The following ASTN2 variants were observed in gnomAD, a reference collection of about 807,000 sequenced individuals.
The protein encoded by ASTN2 is astrotactin 2, also known as astrotactin-2.
A neutral mutation model predicts 139.8 loss-of-function variants in ASTN2; 54 were observed. That is an observed-to-expected ratio of 0.39 (90% CI 0.31 to 0.48). The LOEUF (loss-of-function observed/expected upper bound fraction) is 0.48, where lower values mean the gene tolerates loss of function less well. Among genes scored for constraint, ASTN2 ranks in the 20% least tolerant of loss-of-function variants. The pLI, the probability that ASTN2 is intolerant of heterozygous loss-of-function variation, is 0.95. For synonymous variants in ASTN2, 756 were observed against 719.5 expected, an observed-to-expected ratio of 1.05 and a Z score of -0.81; for missense variants, 1,565 against 1,725.1, an observed-to-expected ratio of 0.91 and a Z score of 1.64.
rs145600225 is a variant in ASTN2 at position 116,578,607 on chromosome 9, G to A, written c.3355+39717C>T. 1.9e-4 allele frequency among the ~76,000 whole-genome samples: 28 copies of A among 145,620 alleles called. No individual in the cohort carries two copies. The East Asian group carries it at 3.6e-3, about 19-fold the overall frequency. On this transcript the variant is annotated intron_variant, in intron 19 of 22. Coordinates refer to ENST00000313400, the MANE Select transcript of ASTN2 (RefSeq NM_001365068.1). Reference sequence around the variant, plus strand: ...CAGAGTCAGGATTTGAACCCAGGCCGTCTGGCTCCAACGTGTGTGTGTGTG... The same window carrying A: ...CAGAGTCAGGATTTGAACCCAGGCCATCTGGCTCCAACGTGTGTGTGTGTG...
chr9:116,770,053 C>CA (rs1829915001), intron 13 of ASTN2, among the ~76,000 whole-genome samples: 1 of 137,950 alleles, frequency 7.2e-6, no homozygotes. Flanking sequence ...TAGTGAATGA[C>CA]ATAAGAATAC....
chr9:116,777,680 T>C (rs1023563031), intron 13 of ASTN2, among the ~76,000 whole-genome samples: 16 of 152,132 alleles, frequency 1.1e-4, no homozygotes, highest in African/African-American at 3.6e-4. Context: ...TCCCAGGTGA[T>C]GCTGATGTTC....
At chr9:117,413,040 C>T (rs1831212630) in intron 1 of ASTN2, among the ~76,000 whole-genome samples, 1 of 152,218 alleles carries the variant, frequency 6.6e-6, no homozygotes, top group South Asian at 2.1e-4. Flanking sequence ...TCCGCTGCCT[C>T]TCCTCCCGGA....
intron 13 of ASTN2, among the ~76,000 whole-genome samples, chr9:116,783,027 C>T (rs565238792): frequency 5.9e-5 from 9 of 152,224 alleles, no homozygotes; most frequent in East Asian, 1.9e-4. Context: ...CTAGGATATA[C>T]GCTAAACTGG....
intron 16 of ASTN2, among the ~76,000 whole-genome samples, chr9:116,718,976 A>AGTGTGTGTG (rs1564230202): frequency 1.1e-4 from 11 of 96,350 alleles, no homozygotes; most frequent in African/African-American, 5.4e-4. Flanking sequence ...GTATCTGTAC[A>AGTGTGTGTG]TATATATATA....
chr9:116,661,110 T>C (rs1188662840), intron 16 of ASTN2, among the ~76,000 whole-genome samples: 1 of 152,094 alleles, frequency 6.6e-6, no homozygotes, highest in Non-Finnish European at 1.5e-5. Flanking sequence ...CCCAGTAGCC[T>C]AGTACTGGCC....
intron 22 of ASTN2, among the ~76,000 whole-genome samples, chr9:116,427,619 C>T (rs7856721): frequency 0.024 from 3,580 of 152,338 alleles, 143 homozygotes; most frequent in African/African-American, 0.082. Flanking sequence ...CAACAACAGA[C>T]CCCACAAATG....
At chr9:116,681,978 G>A (rs1480521418) in intron 16 of ASTN2, among the ~76,000 whole-genome samples, 1 of 151,850 alleles carries the variant, frequency 6.6e-6, no homozygotes, top group East Asian at 1.9e-4. Flanking sequence ...AGGACTTCAT[G>A]TCTAAAACAT....
chr9:116,629,598 G>GA (rs5900221), intron 17 of ASTN2, among the ~76,000 whole-genome samples: 1 of 151,866 alleles, frequency 6.6e-6, no homozygotes, highest in Non-Finnish European at 1.5e-5. Context: ...CCCATACAGT[G>GA]AAAAAAATAC....
intron 2 of ASTN2, among the ~76,000 whole-genome samples, chr9:117,236,577 G>T (rs1295187438): frequency 6.6e-6 from 1 of 152,184 alleles, no homozygotes; most frequent in Non-Finnish European, 1.5e-5. Flanking sequence ...GAGGGTAGCG[G>T]TGTTTCTGCT....
chr9:116,680,462 T>C (rs1016968246), intron 16 of ASTN2, among the ~76,000 whole-genome samples: 6 of 152,152 alleles, frequency 3.9e-5, no homozygotes, highest in East Asian at 1.9e-4. Flanking sequence ...GGAACTGGTA[T>C]CATTCCTTCT....
At chr9:117,056,833 C>G (rs887335115) in intron 5 of ASTN2, among the ~76,000 whole-genome samples, 4 of 152,158 alleles carry the variant, frequency 2.6e-5, no homozygotes, top group Non-Finnish European at 5.9e-5. Context: ...TAAGAAGGAA[C>G]AGCTAAGAAC....
At chr9:117,255,712 A>G (rs1190180677) in intron 2 of ASTN2, among the ~76,000 whole-genome samples, 1 of 152,204 alleles carries the variant, frequency 6.6e-6, no homozygotes, top group South Asian at 2.1e-4. Context: ...GAGGAGACAT[A>G]TTTGGCTGGA....
intron 2 of ASTN2, among the ~76,000 whole-genome samples, chr9:117,219,438 A>C (rs1222997260): frequency 2.0e-5 from 3 of 152,154 alleles, no homozygotes; most frequent in African/African-American, 7.2e-5. Context: ...GATGGCTGTG[A>C]ATTTTTAGAA....
intron 2 of ASTN2, among the ~76,000 whole-genome samples, chr9:117,269,544 G>A (rs112541925): frequency 1.2e-3 from 179 of 152,216 alleles, no homozygotes; most frequent in Middle Eastern, 0.01. Flanking sequence ...ATGGTGCTTC[G>A]GGGAAGGAAA....
At chr9:116,976,078 T>G (rs1256639741) in intron 9 of ASTN2, 36 bp downstream of exon 9, 1 of 1,598,734 alleles carries the variant, frequency 6.3e-7, no homozygotes, top group Admixed American at 1.7e-5. Context: ...TTTCTCCATT[T>G]CCCAGAATTA....
intron 17 of ASTN2, among the ~76,000 whole-genome samples, chr9:116,647,572 G>T (rs1041575113): frequency 6.6e-6 from 1 of 152,148 alleles, no homozygotes; most frequent in African/African-American, 2.4e-5. Context: ...AACAGGAAAG[G>T]CACCACCAGC....
chr9:117,001,656 A>G (rs1837193510), intron 7 of ASTN2, among the ~76,000 whole-genome samples: 2 of 152,130 alleles, frequency 1.3e-5, no homozygotes, highest in Admixed American at 1.3e-4. Flanking sequence ...TCCCTCTGCT[A>G]AAGCACCCTC....
intron 13 of ASTN2, among the ~76,000 whole-genome samples, chr9:116,764,355 C>T (rs946611760): frequency 7.9e-5 from 12 of 152,290 alleles, no homozygotes; most frequent in African/African-American, 2.6e-4. Context: ...TGAGCCAATG[C>T]TGAAGGGCCT....
Sources: allele counts gnomAD v4.1 joint callset (sites outside exome capture counted in the v4.1 genomes callset), GRCh38; gene constraint gnomAD v4.1.1; transcripts MANE v1.5; gene names NCBI Gene and HGNC (gene_info 2026-07-23, HGNC 2026-07-21).